The following CCDC50 variants were observed in gnomAD, a reference collection of about 807,000 sequenced individuals.
CCDC50 encodes the protein coiled-coil domain containing 50, also known as coiled-coil domain-containing protein 50.
In CCDC50, 54 loss-of-function variants were observed where a neutral mutation model predicts 70.2. The ratio of observed to expected loss-of-function variants is 0.77; its 90% CI spans 0.62 to 0.96. The LOEUF (loss-of-function observed/expected upper bound fraction) is 0.96. Among genes scored for constraint, CCDC50 ranks in the 50% least tolerant of loss-of-function variants. The probability of loss-of-function intolerance (pLI) is 0.00; values close to 1 mark genes in which losing one functional copy is unlikely to be tolerated. For missense variants in CCDC50, 558 were observed against 578.7 expected (o/e 0.96, Z 0.37); for synonymous variants, 216 against 198.8 (o/e 1.09, Z -0.73).
At position 191,393,597 on chromosome 3, in the gene CCDC50, C is replaced by G. The variant is rs1370795467; in HGVS notation, c.*1837C>G. 6.6e-6 allele frequency: 1 copy of G among 152,102 alleles called. No individual in the cohort carries two copies. Among genetic ancestry groups the G allele is most frequent in the Non-Finnish European group, 1.5e-5 (1 of 68,010 alleles). The allele number at this position is 152,102 out of a possible 1,614,324, so 9.4% of individuals were successfully genotyped here. On this transcript the variant is annotated 3_prime_UTR_variant, in exon 12 of 12. Coordinates refer to ENST00000392455, the MANE Select transcript of CCDC50 (RefSeq NM_178335.3). ...GGCAAATGTTAATCAGAAAGATAAT[C>G]TACATCCCTACTTTATGTAGTCATT...
intron 1 of CCDC50, among the ~76,000 whole-genome samples, chr3:191,333,304 G>C (rs1004008208): frequency 3.9e-5 from 6 of 152,168 alleles, no homozygotes; most frequent in Non-Finnish European, 5.9e-5. Flanking sequence ...TTTAGGTTCA[G>C]GGCACTCCAG....
rs1228250972 is a variant in CCDC50 at position 191,389,541 on chromosome 3, T to G, written c.1368T>G (p.Thr456=). The G allele has an allele frequency of 6.2e-6, 10 of 1,614,094 alleles. No individual in the cohort carries two copies. Among genetic ancestry groups the G allele is most frequent in the Non-Finnish European group, 8.5e-6 (10 of 1,179,972 alleles). Residue 456 remains threonine, a synonymous_variant, in exon 11 of 12, where the codon ACT becomes ACG. Transcript: ENST00000392455. The part of the protein sequence containing the change: ...IMTDGEDADY[T]HFTNQQSSTR... ...CAGATGGTGAAGATGCGGATTACAC[T>G]CATTTTACAAACCAGCAGAGTTCCA...
intron 7 of CCDC50, among the ~76,000 whole-genome samples, chr3:191,380,478 C>T (rs1713279685): frequency 6.6e-6 from 1 of 151,916 alleles, no homozygotes; most frequent in African/African-American, 2.4e-5. Context: ...TCCATTTCTC[C>T]ATCTCCATGA....
intron 1 of CCDC50, among the ~76,000 whole-genome samples, chr3:191,354,201 A>G (rs576393272): frequency 6.6e-6 from 1 of 152,306 alleles, no homozygotes; most frequent in South Asian, 2.1e-4. Flanking sequence ...CACCCACATC[A>G]AATGTTAATA....
intron 10 of CCDC50, among the ~76,000 whole-genome samples, chr3:191,386,824 T>G (rs1400045725): frequency 1.3e-5 from 2 of 152,208 alleles, no homozygotes; most frequent in Non-Finnish European, 2.9e-5. Context: ...AAAGAAGTTT[T>G]CTACTGTTTT....
Position 191,380,868 on chromosome 3 carries a change from A to C in CCDC50, c.1178A>C (p.Tyr393Ser). The change falls in exon 9 of 12, where the codon TAC becomes TCC. Residue 393 changes from tyrosine to serine, a missense_variant. Tyr to Ser is a moderately radical substitution (Grantham distance 144). Coordinates refer to ENST00000392455, the MANE Select transcript of CCDC50 (RefSeq NM_178335.3). ...RLLMAEEKKA[Y>S]KKAKEREKSS... The stretch of plus-strand genomic sequence containing the variant: ...CTAATGGCTGAAGAAAAGAAAGCTT[A>C]CAAAAAAGCCAAGGAGCGGGAGAAA... 1 of 1,613,098 alleles carries C rather than the reference A, an allele frequency of 6.2e-7. No homozygotes were observed.
chr3:191,377,051 C>T (rs1713141743), intron 6 of CCDC50, among the ~76,000 whole-genome samples: 1 of 152,084 alleles, frequency 6.6e-6, no homozygotes, highest in South Asian at 2.1e-4. Flanking sequence ...ACTGGAATTG[C>T]AAATGTTTTG....
At chr3:191,385,037 T>C (rs1387764170) in intron 10 of CCDC50, among the ~76,000 whole-genome samples, 3 of 152,216 alleles carry the variant, frequency 2.0e-5, no homozygotes, top group Non-Finnish European at 4.4e-5. Context: ...ATAGTGTATA[T>C]GTACCACATT....
chr3:191,336,631 A>G (rs1379871097), intron 1 of CCDC50, among the ~76,000 whole-genome samples: 1 of 152,166 alleles, frequency 6.6e-6, no homozygotes, highest in East Asian at 1.9e-4. Context: ...TCAGAATGAT[A>G]TGGGGATCCA....
Position 191,329,521 on chromosome 3 carries a change from C to G in CCDC50, c.-154C>G. 1.5e-6 allele frequency: 1 copy of G among 667,488 alleles called. No homozygotes were observed. The highest frequency in any genetic ancestry group is 2.4e-6 in the Non-Finnish European group (1 of 423,230). The allele number at this position is 667,488 out of a possible 1,614,324, so 41.3% of individuals were successfully genotyped here. A position where few individuals can be genotyped will look rare whatever the true frequency, so the allele number is the denominator to read the frequency against. ...CTCCCGCTGCTTTGGTCACCAGCCC[C>G]TGCCCGCCCGACCCGCTCCGTTCTC... On this transcript the variant is annotated 5_prime_UTR_variant, in exon 1 of 12. Transcript: ENST00000392455.
At chr3:191,391,674 A>T (rs1713696550) in intron 11 of CCDC50, 67 bp from the exon 12 acceptor site, 1 of 1,388,770 alleles carries the variant, frequency 7.2e-7, no homozygotes, top group Admixed American at 1.7e-5. Flanking sequence ...TTGGGCAGGG[A>T]GAAAAAGCTG....
At chr3:191,336,848 A>G (rs1711537022) in intron 1 of CCDC50, among the ~76,000 whole-genome samples, 1 of 152,252 alleles carries the variant, frequency 6.6e-6, no homozygotes, top group South Asian at 2.1e-4. Context: ...TCTGATAAAG[A>G]ATGAGCAGTA....
intron 11 of CCDC50, 119 bp downstream of exon 11, chr3:191,389,721 C>A: frequency 1.3e-6 from 1 of 782,074 alleles, no homozygotes; most frequent in Admixed American, 2.0e-5. Context: ...ATTCTGTCAG[C>A]ACATTGTTAT....
chr3:191,370,976 G>C lies in CCDC50; in HGVS notation c.448+940G>C, dbSNP rs531542273. Among the ~76,000 whole-genome samples, 22 of 152,302 alleles carry C rather than the reference G, an allele frequency of 1.4e-4. No homozygotes were observed. The South Asian group carries it at 4.6e-3, about 32-fold the overall frequency. On this transcript the variant is annotated intron_variant, in intron 5 of 11. Transcript: ENST00000392455. ...CTCTGGACTTAACCTTTCTCAAGAAGTCTGGAAAGTACTGTTTGAAGCAGG... is the reference window on the plus strand; with the variant it reads ...CTCTGGACTTAACCTTTCTCAAGAACTCTGGAAAGTACTGTTTGAAGCAGG...
intron 10 of CCDC50, 49 bp from the exon 11 acceptor site, chr3:191,389,447 G>A (rs1293763374): frequency 4.2e-6 from 6 of 1,438,194 alleles, no homozygotes; most frequent in Non-Finnish European, 5.9e-6. Flanking sequence ...GGGTGGAGTT[G>A]TAGTAAGCGT....
chr3:191,375,366 T>G lies in CCDC50; in HGVS notation c.753T>G (p.Cys251Trp), dbSNP rs988057691. 4 of 1,613,720 alleles carry G rather than the reference T, an allele frequency of 2.5e-6. No individual in the cohort carries two copies. Among genetic ancestry groups the G allele is most frequent in the African/African-American group, 1.3e-5 (1 of 75,000 alleles). Residue 251 changes from cysteine to tryptophan, a missense_variant, in exon 6 of 12, where the codon TGT (cysteine) becomes TGG (tryptophan). Cys to Trp is a radical substitution (Grantham distance 215). Transcript: ENST00000392455. ...ISGEVFLSTECDDWETKINHQ... is the reference protein window; with the variant it reads ...ISGEVFLSTEWDDWETKINHQ... ...GTGAAGTGTTTCTGAGCACTGAATG[T>G]GATGACTGGGAGACTAAGATTAACC... is the stretch of plus-strand genomic sequence containing the variant.
rs1455441444 is a variant in CCDC50, at chr3:191,351,707, G to A, written c.50-5381G>A. Reference sequence around the variant, plus strand: ...AGTTTGGTTGGCGTGAGGTGGAGTGGGGTGGTAAATCACCAGATTTTCTTT... The same window carrying A: ...AGTTTGGTTGGCGTGAGGTGGAGTGAGGTGGTAAATCACCAGATTTTCTTT... On this transcript the variant is annotated intron_variant, in intron 1 of 11. Transcript: ENST00000392455. Among the ~76,000 whole-genome samples the A allele has an allele frequency of 2.1e-5, 3 of 141,206 alleles. 1 individual carries two copies. The highest frequency in any genetic ancestry group is 7.6e-5 in the African/African-American group (3 of 39,608). 92.6% of individuals were successfully genotyped at this position (141,206 alleles called of 152,430 possible).
At chr3:191,356,725 T>A (rs1264726788) in intron 1 of CCDC50, among the ~76,000 whole-genome samples, 1 of 152,236 alleles carries the variant, frequency 6.6e-6, no homozygotes, top group Non-Finnish European at 1.5e-5. Context: ...AGTAGCAATA[T>A]GCAAAGCATG....
rs78146988 is a variant in CCDC50 at position 191,350,757 on chromosome 3, A to C, written c.50-6331A>C. Among the ~76,000 whole-genome samples the C allele has an allele frequency of 4.9e-3, 692 of 142,258 alleles. 74 individuals are homozygous for C. The highest frequency in any genetic ancestry group is 0.016 in the African/African-American group (653 of 39,934). 93.3% of individuals were successfully genotyped at this position (142,258 alleles called of 152,430 possible). A position where few individuals can be genotyped will look rare whatever the true frequency, so the allele number is the denominator to read the frequency against. On this transcript the variant is annotated intron_variant, in intron 1 of 11. Transcript: ENST00000392455. Reference sequence around the variant, plus strand: ...CTGCATACTTGACTGAGGTGAAAGAAGGAGTTCTTGATAGCAGGAGTGCTG... The same window carrying C: ...CTGCATACTTGACTGAGGTGAAAGACGGAGTTCTTGATAGCAGGAGTGCTG...
Sources: gnomAD v4.1 joint callset for allele counts (sites outside exome capture counted in the v4.1 genomes callset) on GRCh38, gnomAD v4.1.1 for gene constraint, MANE v1.5 for transcripts, NCBI Gene and HGNC (gene_info 2026-07-23, HGNC 2026-07-21) for gene names.